ALCAM: variants seen among roughly 807,000 people sequenced by gnomAD.
ALCAM encodes the protein CD166 antigen.
Under a neutral mutation model 70.9 loss-of-function variants are expected in ALCAM, and 30 were observed. The ratio of observed to expected loss-of-function variants is 0.42; its 90% confidence interval spans 0.32 to 0.57. The LOEUF (loss-of-function observed/expected upper bound fraction) is 0.57. Ranked by LOEUF, ALCAM falls within the 20% of genes least tolerant of loss-of-function variation. The pLI is 0.11. For missense variants in ALCAM, 591 were observed against 695.1 expected, an observed-to-expected ratio of 0.85 and a Z score of 1.68; for synonymous variants, 249 against 242.5, an observed-to-expected ratio of 1.03 and a Z score of -0.25.
chr3:105,511,750 C>G (rs1243525021), intron 1 of ALCAM, among the ~76,000 whole-genome samples: 1 of 151,726 alleles, frequency 6.6e-6, no homozygotes, highest in Non-Finnish European at 1.5e-5. Flanking sequence ...AAGAAAAGAG[C>G]AAAAAGGTAT....
At chr3:105,437,764 T>A (rs890410031) in intron 1 of ALCAM, among the ~76,000 whole-genome samples, 4 of 152,084 alleles carry the variant, frequency 2.6e-5, no homozygotes, top group Non-Finnish European at 5.9e-5. Flanking sequence ...ATTACAATAG[T>A]GTAAAACTCC....
chr3:105,421,652 CA>C (rs1423520953), intron 1 of ALCAM, among the ~76,000 whole-genome samples: 1 of 151,324 alleles, frequency 6.6e-6, no homozygotes, highest in Non-Finnish European at 1.5e-5. Flanking sequence ...CAGCTGTGAC[CA>C]ATCCATGGCA....
intron 1 of ALCAM, 45 bp downstream of exon 1, chr3:105,367,526 A>C (rs1272922324): frequency 1.2e-6 from 2 of 1,608,258 alleles, no homozygotes; most frequent in African/African-American, 2.7e-5. Context: ...GTGGGCCTGG[A>C]GCAGTTTCCT....
chr3:105,545,759 A>G (rs1940231382), intron 9 of ALCAM, among the ~76,000 whole-genome samples: 1 of 151,462 alleles, frequency 6.6e-6, no homozygotes, highest in South Asian at 2.1e-4. Context: ...ATTGAAGGGA[A>G]ATAAATCAGA....
chr3:105,430,921 A>G (rs767939003), intron 1 of ALCAM, among the ~76,000 whole-genome samples: 1 of 152,074 alleles, frequency 6.6e-6, no homozygotes, highest in Admixed American at 6.6e-5. Context: ...TTACTACTCT[A>G]TTTTGTTGCT....
intron 1 of ALCAM, among the ~76,000 whole-genome samples, chr3:105,468,751 T>C (rs946946621): frequency 1.3e-5 from 2 of 151,348 alleles, no homozygotes; most frequent in Non-Finnish European, 3.0e-5. Flanking sequence ...TGTTTGTATT[T>C]AAAATGTGAA....
chr3:105,506,673 TTATAA>T (rs1478836839), intron 1 of ALCAM, among the ~76,000 whole-genome samples: 11 of 152,200 alleles, frequency 7.2e-5, no homozygotes, highest in Non-Finnish European at 1.5e-4. Flanking sequence ...AGACGTAATA[TTATAA>T]TATTCAGTTA....
intron 8 of ALCAM, among the ~76,000 whole-genome samples, chr3:105,543,480 A>G (rs1195613020): frequency 6.6e-6 from 1 of 151,698 alleles, no homozygotes; most frequent in Non-Finnish European, 1.5e-5. Context: ...TCCTATTTTT[A>G]CCCACTTATC....
At chr3:105,536,497 G>A (rs138383614) in intron 6 of ALCAM, among the ~76,000 whole-genome samples, 1,534 of 152,266 alleles carry the variant, frequency 0.01, 18 homozygotes, top group Middle Eastern at 0.027. Flanking sequence ...ATAAGAATTG[G>A]GAAATTGGCT....
rs148426089 is a variant in ALCAM at position 105,506,850 on chromosome 3, C to G, written c.74-13217C>G. Reference sequence around the variant, plus strand: ...TCATAAAACAGCAATTGCTAAGCCTCTACTCAAGACACTCTTGTTCATCAG... The same window carrying G: ...TCATAAAACAGCAATTGCTAAGCCTGTACTCAAGACACTCTTGTTCATCAG... On this transcript the variant is annotated intron_variant, in intron 1 of 15. Transcript: ENST00000306107. Among the ~76,000 whole-genome samples, 1,142 of 152,318 alleles carry G rather than the reference C, an allele frequency of 7.5e-3. 7 individuals are homozygous for G. The highest frequency in any genetic ancestry group is 0.027 in the Middle Eastern group (8 of 294).
At chr3:105,564,779 C>T (rs1346429123) in intron 14 of ALCAM, among the ~76,000 whole-genome samples, 1 of 152,200 alleles carries the variant, frequency 6.6e-6, no homozygotes, top group African/African-American at 2.4e-5. Context: ...AGGTGGGTGG[C>T]TCACACTTGT....
At chr3:105,493,576 A>G (rs1267014812) in intron 1 of ALCAM, among the ~76,000 whole-genome samples, 1 of 152,126 alleles carries the variant, frequency 6.6e-6, no homozygotes, top group African/African-American at 2.4e-5. Context: ...AGACGTAGAT[A>G]CAGTGTGGCT....
intron 1 of ALCAM, among the ~76,000 whole-genome samples, chr3:105,385,270 C>A (rs1463326235): frequency 6.6e-6 from 1 of 151,320 alleles, no homozygotes; most frequent in Admixed American, 6.6e-5. Flanking sequence ...GATTGAAAAG[C>A]CAAGTTTTAT....
intron 1 of ALCAM, among the ~76,000 whole-genome samples, chr3:105,446,122 C>T (rs1376127713): frequency 6.6e-6 from 1 of 151,912 alleles, no homozygotes; most frequent in Admixed American, 6.5e-5. Context: ...GAACTCAACT[C>T]AATAGCAAAA....
chr3:105,443,002 G>T (rs919549695), intron 1 of ALCAM, among the ~76,000 whole-genome samples: 2 of 151,986 alleles, frequency 1.3e-5, no homozygotes, highest in Non-Finnish European at 2.9e-5. Flanking sequence ...TTAATTTTTT[G>T]TGTATAGAGA....
chr3:105,439,268 A>G (rs928299091), intron 1 of ALCAM: 1 of 152,220 alleles, frequency 6.6e-6, no homozygotes, highest in African/African-American at 2.4e-5. Context: ...TAATTGTTTA[A>G]GTTATAGACC....
chr3:105,386,310 C>T (rs1935653350), intron 1 of ALCAM, among the ~76,000 whole-genome samples: 1 of 151,604 alleles, frequency 6.6e-6, no homozygotes, highest in African/African-American at 2.4e-5. Flanking sequence ...ACAGGTGCTT[C>T]TACATCTGTT....
At chr3:105,452,006 G>A (rs1429407245) in intron 1 of ALCAM, among the ~76,000 whole-genome samples, 1 of 151,936 alleles carries the variant, frequency 6.6e-6, no homozygotes, top group Non-Finnish European at 1.5e-5. Flanking sequence ...CTGGTTTGTG[G>A]CTTTACTCAT....
intron 6 of ALCAM, 116 bp downstream of exon 6, chr3:105,534,961 C>T: frequency 1.0e-6 from 1 of 1,004,392 alleles, no homozygotes; most frequent in Admixed American, 2.9e-5. Context: ...CAGTCTGCAC[C>T]CCAAATTGAT....
Sources: gnomAD v4.1 joint callset for allele counts (sites outside exome capture counted in the v4.1 genomes callset) on GRCh38, gnomAD v4.1.1 for gene constraint, MANE v1.5 for transcripts, NCBI Gene and HGNC (gene_info 2026-07-23, HGNC 2026-07-21) for gene names.